Variants in ADGRL4 observed in about 807,000 individuals in gnomAD.
The protein encoded by ADGRL4 is EGF, latrophilin and seven transmembrane domain containing 1.
In ADGRL4, 90 loss-of-function variants were observed where a neutral mutation model predicts 74.8. The observed-to-expected ratio is 1.20, with a 90% CI of 1.02 to 1.43. The LOEUF is 1.43. Among genes scored for constraint, ADGRL4 ranks in the 40% most tolerant of loss-of-function variants. ADGRL4 has a pLI of 0.00. For missense variants in ADGRL4, 881 were observed against 814.3 expected, an observed-to-expected ratio of 1.08 and a Z score of -1.00; for synonymous variants, 311 against 279.2, an observed-to-expected ratio of 1.11 and a Z score of -1.14.
chr1:78,943,249 C>T (rs1485238852), intron 3 of ADGRL4, among the ~76,000 whole-genome samples: 1 of 152,104 alleles, frequency 6.6e-6, no homozygotes, highest in African/African-American at 2.4e-5. Context: ...TGCTCTAAAA[C>T]ACATGGTGAA....
intron 12 of ADGRL4, among the ~76,000 whole-genome samples, chr1:78,912,772 T>TA (rs1294452634): frequency 2.6e-5 from 4 of 151,362 alleles, no homozygotes; most frequent in Admixed American, 6.6e-5. Context: ...CCCTACACTT[T>TA]AAAAAAAATT....
chr1:78,946,720 A>G (rs1649609220), intron 2 of ADGRL4, among the ~76,000 whole-genome samples: 1 of 152,194 alleles, frequency 6.6e-6, no homozygotes, highest in Non-Finnish European at 1.5e-5. Context: ...ATTTAATTAT[A>G]ACCATGTCAA....
At chr1:78,939,080 C>A in intron 4 of ADGRL4, 108 bp downstream of exon 4, 1 of 1,331,660 alleles carries the variant, frequency 7.5e-7, no homozygotes, top group African/African-American at 1.5e-5. Flanking sequence ...TTTCGACTCT[C>A]CCTAAAGTTT....
chr1:78,986,397 CA>C (rs1373932726), intron 2 of ADGRL4, among the ~76,000 whole-genome samples: 1 of 151,276 alleles, frequency 6.6e-6, no homozygotes, highest in African/African-American at 2.4e-5. Context: ...GCCAAGAGCT[CA>C]AAACCAGTTT....
Position 79,005,147 on chromosome 1 carries a change from T to C in ADGRL4, c.95A>G (p.Lys32Arg). ...TTCAATTCCATTGCGTATTTCACAT[T>C]TTGCATTTGGGAGACAAGGTGTCTT... ...CTKTPCLPNA[K>R]CEIRNGIEAC... The change falls in exon 2 of 15, where the codon AAA becomes AGA. Residue 32 changes from lysine to arginine, a missense_variant. By Grantham distance (26) the Lys-to-Arg change is conservative. Transcript: ENST00000370742. The C allele has an allele frequency of 6.2e-7, 1 of 1,613,734 alleles. No individual in the cohort carries two copies. Among genetic ancestry groups the C allele is most frequent in the Non-Finnish European group, 8.5e-7 (1 of 1,179,802 alleles).
At chr1:78,977,895 T>C (rs1260394910) in intron 2 of ADGRL4, among the ~76,000 whole-genome samples, 3 of 151,906 alleles carry the variant, frequency 2.0e-5, no homozygotes, top group Non-Finnish European at 2.9e-5. Flanking sequence ...GTAGAAATAC[T>C]AGCAAAAGAG....
intron 2 of ADGRL4, among the ~76,000 whole-genome samples, chr1:78,973,685 C>G (rs1570265203): frequency 6.7e-6 from 1 of 148,920 alleles, no homozygotes. Flanking sequence ...CCTGAGCATA[C>G]AAGATACAAT....
intron 12 of ADGRL4, among the ~76,000 whole-genome samples, chr1:78,900,911 A>G (rs1274263635): frequency 6.6e-6 from 1 of 152,050 alleles, no homozygotes; most frequent in Non-Finnish European, 1.5e-5. Flanking sequence ...TTATCTTTAA[A>G]TTAGTATTTA....
chr1:79,004,929 T>C (rs1650927881), intron 2 of ADGRL4, 141 bp downstream of exon 2: 1 of 615,438 alleles, frequency 1.6e-6, no homozygotes, highest in South Asian at 3.8e-5. Flanking sequence ...AACTTACTGT[T>C]TAGCTACTTA....
chr1:78,949,608 C>T (rs1167178269), intron 2 of ADGRL4, among the ~76,000 whole-genome samples: 1 of 151,988 alleles, frequency 6.6e-6, no homozygotes, highest in Non-Finnish European at 1.5e-5. Context: ...TTTAAATTGC[C>T]TTAAACTTTC....
rs1650321198 is a variant in ADGRL4, at chr1:78,977,957, A to C, written c.172+27113T>G. Reference sequence around the variant, plus strand: ...TCCAGTAAGTAAACAAGAAATTAACAAATAAACATGTGTTTCTAAATTAAT... The same window carrying C: ...TCCAGTAAGTAAACAAGAAATTAACCAATAAACATGTGTTTCTAAATTAAT... On this transcript the variant is annotated intron_variant, in intron 2 of 14. Transcript: ENST00000370742. 2.6e-5 allele frequency among the ~76,000 whole-genome samples: 4 copies of C among 151,904 alleles called. No homozygotes were observed. In the South Asian group the frequency reaches 8.3e-4, roughly 31 times the overall value.
intron 2 of ADGRL4, among the ~76,000 whole-genome samples, chr1:78,954,049 G>A (rs1649781381): frequency 6.6e-6 from 1 of 152,188 alleles, no homozygotes; most frequent in African/African-American, 2.4e-5. Flanking sequence ...GGGAGGCTGA[G>A]GCAGGAGAAT....
chr1:78,917,441 G>A (rs1648899539), intron 12 of ADGRL4, among the ~76,000 whole-genome samples, 193 bp downstream of exon 12: 1 of 150,628 alleles, frequency 6.6e-6, no homozygotes, highest in African/African-American at 2.4e-5. Flanking sequence ...ATTAAAAAAT[G>A]TATAAAAGCT....
chr1:78,966,494 C>T (rs1055031168), intron 2 of ADGRL4, among the ~76,000 whole-genome samples: 1 of 152,200 alleles, frequency 6.6e-6, no homozygotes, highest in African/African-American at 2.4e-5. Context: ...CTCAAATCCT[C>T]TCACTGTTGC....
chr1:78,896,143 GC>G (rs1281600195), intron 12 of ADGRL4, among the ~76,000 whole-genome samples: 1 of 151,818 alleles, frequency 6.6e-6, no homozygotes, highest in Non-Finnish European at 1.5e-5. Context: ...CTATACTCCT[GC>G]CGCCTTTATC....
At chr1:78,915,893 T>C (rs1648859458) in intron 12 of ADGRL4, among the ~76,000 whole-genome samples, 1 of 151,846 alleles carries the variant, frequency 6.6e-6, no homozygotes, top group South Asian at 2.1e-4. Flanking sequence ...AATTTCTTAG[T>C]ATTTAAAAAA....
At chr1:78,892,736 G>T (rs1365681474) in intron 13 of ADGRL4, among the ~76,000 whole-genome samples, 1 of 151,782 alleles carries the variant, frequency 6.6e-6, no homozygotes, top group South Asian at 2.1e-4. Context: ...CGGGAGGGTG[G>T]GTGTAAAGGA....
At chr1:79,006,571 AG>A (rs1333319965) in intron 1 of ADGRL4, 61 bp downstream of exon 1, 1 of 1,527,448 alleles carries the variant, frequency 6.5e-7, no homozygotes, top group African/African-American at 1.4e-5. Flanking sequence ...TAAAAAATCC[AG>A]TCCCCTACAA....
intron 2 of ADGRL4, among the ~76,000 whole-genome samples, chr1:78,993,748 T>A (rs1650660261): frequency 6.6e-6 from 1 of 151,908 alleles, no homozygotes; most frequent in Non-Finnish European, 1.5e-5. Flanking sequence ...TTTTTTGTAT[T>A]TTTTTTAGTA....
Sources: gnomAD v4.1 joint callset for allele counts (sites outside exome capture counted in the v4.1 genomes callset) on GRCh38, gnomAD v4.1.1 for gene constraint, MANE v1.5 for transcripts, NCBI Gene and HGNC (gene_info 2026-07-23, HGNC 2026-07-21) for gene names.